Variants in ITGA9 observed in about 807,000 individuals in gnomAD.
ITGA9 encodes integrin subunit alpha 9, also known as integrin alpha-9.
Under a neutral mutation model 127.8 loss-of-function variants are expected in ITGA9, and 56 were observed. That is an observed-to-expected ratio of 0.44 (90% CI 0.35 to 0.55). The LOEUF (loss-of-function observed/expected upper bound fraction) is 0.55. ITGA9 is among the 20% of genes least tolerant of loss of function. ITGA9 has a pLI of 0.00. For missense variants in ITGA9, 1,196 were observed against 1,347.1 expected, an observed-to-expected ratio of 0.89 and a Z score of 1.76; for synonymous variants, 508 against 514.5, an observed-to-expected ratio of 0.99 and a Z score of 0.17.
At chr3:37,521,012 G>A (rs1421405436) in intron 11 of ITGA9, among the ~76,000 whole-genome samples, 6 of 152,138 alleles carry the variant, frequency 3.9e-5, no homozygotes, top group Admixed American at 6.5e-5. Flanking sequence ...TGTGGTTAGC[G>A]TGGAGCGTCT....
In ITGA9 at chr3:37,629,124, G is replaced by A; in HGVS notation, c.1690-63G>A. 2 of 1,590,498 alleles carry A rather than the reference G, an allele frequency of 1.3e-6. No homozygotes were observed. The highest frequency in any genetic ancestry group is 1.7e-6 in the Non-Finnish European group (2 of 1,160,442). The stretch of plus-strand genomic sequence containing the variant: ...CATGTAGAAGGTCTTTGTAAACTGT[G>A]AAATGCTCTACGACTGTCAGCCAGG... On this transcript the variant is annotated intron_variant, in intron 15 of 27. Transcript: ENST00000264741. This position sits in a 1 kb window ranked among gnomAD's most constrained non-coding sequence, Gnocchi z 4.5.
chr3:37,544,924 G>C lies in ITGA9; in HGVS notation c.1689+2339G>C, dbSNP rs138006163. Among the ~76,000 whole-genome samples the C allele has an allele frequency of 1.2e-3, 178 of 152,376 alleles. 1 individual carries two copies. The highest frequency in any genetic ancestry group is 2.5e-3 in the Admixed American group (39 of 15,310). On this transcript the variant is annotated intron_variant, in intron 15 of 27. Coordinates refer to ENST00000264741, the MANE Select transcript of ITGA9 (RefSeq NM_002207.3). ...AGAATGTTTATTTCTGGCAGTTACT[G>C]TCTGGGCTGTAGCAGAGGACTGGGC... is the stretch of plus-strand genomic sequence containing the variant.
At chr3:37,499,918 A>G (rs1698770697) in intron 5 of ITGA9, among the ~76,000 whole-genome samples, 1 of 152,228 alleles carries the variant, frequency 6.6e-6, no homozygotes, top group African/African-American at 2.4e-5. Context: ...CTAAATCATC[A>G]GAAAGCAACA....
At chr3:37,587,566 A>G (rs1699770819) in intron 15 of ITGA9, among the ~76,000 whole-genome samples, 2 of 148,872 alleles carry the variant, frequency 1.3e-5, no homozygotes, top group Admixed American at 1.3e-4. Context: ...TTGTCCACCC[A>G]CCCATTACCC....
chr3:37,452,608 C>T lies in ITGA9; in HGVS notation c.185+49C>T. The T allele has an allele frequency of 6.9e-7, 1 of 1,453,974 alleles. No individual in the cohort carries two copies. Among genetic ancestry groups the T allele is most frequent in the Non-Finnish European group, 9.1e-7 (1 of 1,093,208 alleles). 90.1% of individuals were successfully genotyped at this position (1,453,974 alleles called of 1,614,324 possible). A position where few individuals can be genotyped will look rare whatever the true frequency, so the allele number is the denominator to read the frequency against. The stretch of plus-strand genomic sequence containing the variant: ...ACCCTGGCCCGCGCGGCCACCGCCC[C>T]GGCCCCCAGGCCAGCGCCGCCGCCG... On this transcript the variant is annotated intron_variant, in intron 1 of 27. Transcript: ENST00000264741. The surrounding 1 kb of genome is among the most constrained non-coding windows in gnomAD (Gnocchi z 7.3).
intron 15 of ITGA9, among the ~76,000 whole-genome samples, chr3:37,603,142 G>A (rs966928812): frequency 2.0e-5 from 3 of 152,128 alleles, no homozygotes; most frequent in Admixed American, 2.0e-4. Flanking sequence ...TATCTTTAAG[G>A]TCTAGGCCTT....
chr3:37,494,496 C>G lies in ITGA9; in HGVS notation c.545-5C>G. The stretch of plus-strand genomic sequence containing the variant: ...GTTTGCTTCTCTCTCCTTCCTTCCC[C>G]CTAGAGTATAAGAAGAAGTACGGAG... On this transcript the variant is annotated splice_polypyrimidine_tract_variant and splice_region_variant and intron_variant, in intron 4 of 27. Coordinates refer to ENST00000264741, the MANE Select transcript of ITGA9 (RefSeq NM_002207.3). The G allele has an allele frequency of 6.2e-7, 1 of 1,608,318 alleles. No homozygotes were observed. Among genetic ancestry groups the G allele is most frequent in the Non-Finnish European group, 8.5e-7 (1 of 1,174,918 alleles).
intron 15 of ITGA9, among the ~76,000 whole-genome samples, chr3:37,553,298 G>T (rs1211737909): frequency 6.6e-6 from 1 of 152,144 alleles, no homozygotes; most frequent in African/African-American, 2.4e-5. Context: ...ATTACTGTTA[G>T]CTTATCTGCA....
At chr3:37,577,399 G>A (rs1699664133) in intron 15 of ITGA9, among the ~76,000 whole-genome samples, 1 of 152,286 alleles carries the variant, frequency 6.6e-6, no homozygotes, top group South Asian at 2.1e-4. Flanking sequence ...GCTGAGAGTG[G>A]TGTTGGCACC....
At chr3:37,696,340 TC>T (rs1028914351) in intron 18 of ITGA9, among the ~76,000 whole-genome samples, 1 of 152,252 alleles carries the variant, frequency 6.6e-6, no homozygotes, top group African/African-American at 2.4e-5. Flanking sequence ...GTGAGTCTAC[TC>T]CCTTCAGTAT....
intron 7 of ITGA9, 89 bp downstream of exon 7, chr3:37,506,174 A>G (rs1698842121): frequency 1.0e-6 from 1 of 962,096 alleles, no homozygotes. Context: ...GCTGACATTG[A>G]CCTGAACATT....
Position 37,629,260 on chromosome 3 carries a change from A to G in ITGA9, c.1763A>G (p.Glu588Gly), listed in dbSNP as rs1479382254. ...AGCCTCAGTGAGCATGTGACTGGAG[A>G]GGAGGAGAGGGAACTGCCGCCTCTG... Reference protein sequence around the residue: ...AYSLSEHVTGEEERELPPLTP... With the variant: ...AYSLSEHVTGGEERELPPLTP... Residue 588 changes from glutamate (E) to glycine (G), a missense_variant, in exon 16 of 28, where the codon GAG (glutamate) becomes GGG (glycine). Glu to Gly is a moderately conservative substitution (Grantham distance 98). Coordinates refer to ENST00000264741, the MANE Select transcript of ITGA9 (RefSeq NM_002207.3). This position sits in a 1 kb window ranked among gnomAD's most constrained non-coding sequence, Gnocchi z 4.5. 8 of 1,613,818 alleles carry G rather than the reference A, an allele frequency of 5.0e-6. No homozygotes were observed. In the East Asian group the frequency reaches 1.1e-4, roughly 22 times the overall value.
At chr3:37,688,865 T>TA (rs1219875252) in intron 18 of ITGA9, among the ~76,000 whole-genome samples, 72 of 152,088 alleles carry the variant, frequency 4.7e-4, no homozygotes, top group Non-Finnish European at 9.6e-4. Flanking sequence ...GGTAGGTAGA[T>TA]GACTGGCTGG....
rs76956064 is a variant in ITGA9, at chr3:37,752,268, C to T, written c.2541+1699C>T. 6.5e-3 allele frequency among the ~76,000 whole-genome samples: 988 copies of T among 152,298 alleles called. 9 individuals are homozygous for T. The highest frequency in any genetic ancestry group is 0.027 in the Middle Eastern group (8 of 294). On this transcript the variant is annotated intron_variant, in intron 23 of 27. Transcript: ENST00000264741. ...TTATGGGACTTTGAATGGAGCAGGGCTTTCATTCTGGGGATTTGGGTGGCT... is the reference window on the plus strand; with the variant it reads ...TTATGGGACTTTGAATGGAGCAGGGTTTTCATTCTGGGGATTTGGGTGGCT...
In ITGA9 at chr3:37,452,573, C is replaced by T; in HGVS notation, c.185+14C>T. ...CAACACGCGCTGGTGAGTGCCCGCC[C>T]GACTCCGCGACCCTGGCCCGCGCGG... On this transcript the variant is annotated intron_variant, in intron 1 of 27. Coordinates refer to ENST00000264741, the MANE Select transcript of ITGA9 (RefSeq NM_002207.3). The surrounding 1 kb of genome is among the most constrained non-coding windows in gnomAD (Gnocchi z 7.3). The T allele has an allele frequency of 6.6e-7, 1 of 1,505,880 alleles. No homozygotes were observed. Among genetic ancestry groups the T allele is most frequent in the Non-Finnish European group, 8.9e-7 (1 of 1,125,740 alleles). 93.3% of individuals were successfully genotyped at this position (1,505,880 alleles called of 1,614,324 possible).
chr3:37,753,046 G>T (rs974373702), intron 23 of ITGA9, among the ~76,000 whole-genome samples: 1 of 152,134 alleles, frequency 6.6e-6, no homozygotes, highest in Non-Finnish European at 1.5e-5. Flanking sequence ...GGGTTGTGTG[G>T]ACCCTACTCT....
rs190414184 is a variant in ITGA9, at chr3:37,485,049, C to G, written c.544+3442C>G. Among the ~76,000 whole-genome samples the G allele has an allele frequency of 2.0e-5, 3 of 152,250 alleles. No homozygotes were observed. In the East Asian group the frequency reaches 5.8e-4, roughly 29 times the overall value. ...TAGACAAAACCCAAGTGACACAGTT[C>G]CAGCTACCAAGAAGCTCCCCATCTA... On this transcript the variant is annotated intron_variant, in intron 4 of 27. Transcript: ENST00000264741.
chr3:37,484,361 C>T (rs183835), intron 4 of ITGA9, among the ~76,000 whole-genome samples: 80,670 of 151,834 alleles, frequency 0.53, 21,721 homozygotes, highest in African/African-American at 0.63. Context: ...GGGAGGATGC[C>T]GGCCGTAGTG....
At chr3:37,565,985 A>G (rs1699542898) in intron 15 of ITGA9, among the ~76,000 whole-genome samples, 2 of 152,248 alleles carry the variant, frequency 1.3e-5, no homozygotes, top group Admixed American at 1.3e-4. Context: ...CACTATGTCC[A>G]TGCCCAAGAG....
Sources: allele counts gnomAD v4.1 joint callset (sites outside exome capture counted in the v4.1 genomes callset), GRCh38; gene constraint gnomAD v4.1.1; non-coding constraint Gnocchi (gnomAD v3.1); transcripts MANE v1.5; gene names NCBI Gene and HGNC (gene_info 2026-07-23, HGNC 2026-07-21).